Variants in ITGAM observed in about 807,000 individuals in gnomAD.
ITGAM encodes the protein integrin alpha-M.
ITGAM carries 79 observed loss-of-function variants against 137.5 expected under a neutral mutation model. That is an observed-to-expected ratio of 0.57 (90% CI 0.48 to 0.69). The LOEUF is 0.69. Ranked by LOEUF, ITGAM falls within the 30% of genes least tolerant of loss-of-function variation. The pLI is 0.00. For synonymous variants in ITGAM, 583 were observed against 592.3 expected (o/e 0.98, Z 0.23); for missense variants, 1,343 against 1,483.5 (o/e 0.91, Z 1.56).
At chr16:31,318,417 C>G (rs1040101593) in intron 14 of ITGAM, among the ~76,000 whole-genome samples, 1 of 148,280 alleles carries the variant, frequency 6.7e-6, no homozygotes, top group Non-Finnish European at 1.5e-5. Context: ...GATCACAGCT[C>G]ACTGCATTCT....
At chr16:31,296,395 G>A (rs1437996499) in intron 12 of ITGAM, among the ~76,000 whole-genome samples, 1 of 151,782 alleles carries the variant, frequency 6.6e-6, no homozygotes, top group Non-Finnish European at 1.5e-5. Context: ...TTACAGGCAT[G>A]AGCCACTGCA....
At chr16:31,272,450 TA>T (rs2079856810) in intron 7 of ITGAM, among the ~76,000 whole-genome samples, 2 of 13,804 alleles carry the variant, frequency 1.4e-4, no homozygotes, top group Non-Finnish European at 2.8e-4. Flanking sequence ...TATATATATA[TA>T]TATATATATA....
chr16:31,281,930 A>G (rs1438855876), intron 12 of ITGAM, among the ~76,000 whole-genome samples: 1 of 152,060 alleles, frequency 6.6e-6, no homozygotes, highest in Admixed American at 6.6e-5. Flanking sequence ...CTTTGTTCTC[A>G]TTGGTTTCAA....
rs376567006 is a variant in ITGAM, at chr16:31,284,626, C to T, written c.1356+6517C>T. Among the ~76,000 whole-genome samples the T allele has an allele frequency of 7.9e-5, 12 of 152,286 alleles. 1 individual carries two copies. Among genetic ancestry groups the T allele is most frequent in the Middle Eastern group, 6.8e-3 (2 of 294 alleles). ...CCAATTTTCCACTTACTCTCTGTCA[C>T]GGCTTCCCTTGGCTAGGAAAGGGAA... On this transcript the variant is annotated intron_variant, in intron 12 of 29. Coordinates refer to ENST00000544665, the MANE Select transcript of ITGAM (RefSeq NM_000632.4).
chr16:31,286,341 T>C (rs1461879459), intron 12 of ITGAM, among the ~76,000 whole-genome samples: 1 of 152,202 alleles, frequency 6.6e-6, no homozygotes, highest in Non-Finnish European at 1.5e-5. Flanking sequence ...GAACAGCTTA[T>C]TTTCTTTTGG....
At chr16:31,268,717 C>A (rs1447645166) in intron 5 of ITGAM, among the ~76,000 whole-genome samples, 1 of 152,184 alleles carries the variant, frequency 6.6e-6, no homozygotes, top group Non-Finnish European at 1.5e-5. Context: ...AAGGCCCTTG[C>A]CCGCTGCTCT....
chr16:31,272,033 A>G, intron 7 of ITGAM, 41 bp downstream of exon 7: 1 of 1,612,698 alleles, frequency 6.2e-7, no homozygotes, highest in South Asian at 1.1e-5. Context: ...GGAGGAGGAG[A>G]CACTTTTAGC....
In ITGAM at chr16:31,309,784, C is replaced by G. The variant is rs142223225; in HGVS notation, c.1708-11457C>G. On this transcript the variant is annotated intron_variant, in intron 14 of 29. Transcript: ENST00000544665. ...ACAGTTTGGCATGTTTTTGCAGTGG[C>G]TGGTACCGGCTGTTCCTTTCCATGT... 5.9e-3 allele frequency among the ~76,000 whole-genome samples: 904 copies of G among 152,274 alleles called. 10 individuals carry two copies. Among genetic ancestry groups the G allele is most frequent in the African/African-American group, 0.021 (865 of 41,564 alleles).
intron 14 of ITGAM, among the ~76,000 whole-genome samples, chr16:31,302,499 T>C (rs554408471): frequency 5.7e-4 from 83 of 146,756 alleles, no homozygotes; most frequent in African/African-American, 2.2e-3. Context: ...TCTTTCCTTC[T>C]TTCTTTCTTT....
At position 31,326,891 on chromosome 16, in the gene ITGAM, G is replaced by A. The variant is rs1272621521; in HGVS notation, c.2664G>A (p.Lys888=). The part of the protein sequence containing the change: ...TFNITFDVDS[K]ASLGNKLLLK... Reference sequence around the variant, plus strand: ...ATATCACGTTTGATGTAGACTCTAAGGCTTCCCTTGGAAACAAACTGCTCC... The same window carrying A: ...ATATCACGTTTGATGTAGACTCTAAAGCTTCCCTTGGAAACAAACTGCTCC... Residue 888 remains lysine (K), a synonymous_variant, in exon 22 of 30, where the codon AAG becomes AAA. Coordinates refer to ENST00000544665, the MANE Select transcript of ITGAM (RefSeq NM_000632.4). 1.2e-6 allele frequency: 2 copies of A among 1,613,418 alleles called. No individual in the cohort carries two copies. The highest frequency in any genetic ancestry group is 2.2e-5 in the South Asian group (2 of 91,072).
chr16:31,302,374 CTTTCT>C (rs2080205679), intron 14 of ITGAM, among the ~76,000 whole-genome samples: 2 of 150,404 alleles, frequency 1.3e-5, no homozygotes, highest in Non-Finnish European at 1.5e-5. Context: ...ATCTTTTTTT[CTTTCT>C]TTTCTTTTCT....
At chr16:31,303,644 T>A (rs1165402341) in intron 14 of ITGAM, among the ~76,000 whole-genome samples, 1 of 152,146 alleles carries the variant, frequency 6.6e-6, no homozygotes, top group Non-Finnish European at 1.5e-5. Context: ...GTCCGTTACA[T>A]CACTCTTGTC....
rs766261460 is a variant in ITGAM, at chr16:31,277,961, C to T, written c.1214-6C>T. 5 of 1,585,724 alleles carry T rather than the reference C, an allele frequency of 3.2e-6. No homozygotes were observed. The highest frequency in any genetic ancestry group is 4.3e-6 in the Non-Finnish European group (5 of 1,165,708). On this transcript the variant is annotated splice_region_variant and splice_polypyrimidine_tract_variant and intron_variant, in intron 11 of 29. Coordinates refer to ENST00000544665, the MANE Select transcript of ITGAM (RefSeq NM_000632.4). ...TGCACTTCACCTCTCAGACCCCCAC[C>T]TTCAGGTTATGCTGCCGCCATCATC...
At chr16:31,260,189 G>C in intron 1 of ITGAM, 97 bp downstream of exon 1, 1 of 871,754 alleles carries the variant, frequency 1.1e-6, no homozygotes, top group South Asian at 1.7e-5. Flanking sequence ...AGTCAGTCTG[G>C]GGAGAGGCAA....
Position 31,288,578 on chromosome 16 carries a change from G to A in ITGAM, c.1357-8936G>A, listed in dbSNP as rs541762103. 1.0e-3 allele frequency among the ~76,000 whole-genome samples: 155 copies of A among 151,958 alleles called. 4 individuals are homozygous for A. The highest frequency in any genetic ancestry group is 2.0e-4 in the Admixed American group (3 of 15,254). ...ATATGTAGAAAGCTGAAACTGGATC[G>A]CTTCCTTACACCTTATACAAAAATT... On this transcript the variant is annotated intron_variant, in intron 12 of 29. Coordinates refer to ENST00000544665, the MANE Select transcript of ITGAM (RefSeq NM_000632.4).
intron 14 of ITGAM, among the ~76,000 whole-genome samples, chr16:31,313,863 T>A (rs536891613): frequency 6.6e-6 from 1 of 152,332 alleles, no homozygotes; most frequent in East Asian, 1.9e-4. Context: ...AAAGCATTCT[T>A]ATTTCTCCAC....
At chr16:31,294,560 C>G (rs2080115313) in intron 12 of ITGAM, among the ~76,000 whole-genome samples, 1 of 152,106 alleles carries the variant, frequency 6.6e-6, no homozygotes, top group Admixed American at 6.6e-5. Context: ...GTTGAACCAA[C>G]TTTGCACCCC....
In ITGAM at chr16:31,325,017, C is replaced by G. The variant is rs1287974084; in HGVS notation, c.2349C>G (p.Thr783=). ...TCTGCCAGGATGACCTCAGCATCAC[C>G]TTCAGTTTCATGAGGTGAGTTTCCT... is the stretch of plus-strand genomic sequence containing the variant. ...DNICQDDLSI[T]FSFMSLDCLV... The change falls in exon 19 of 30, where the codon ACC becomes ACG. Residue 783 remains threonine (T), a synonymous_variant. Transcript: ENST00000544665. 1.2e-6 allele frequency: 2 copies of G among 1,612,652 alleles called. No homozygotes were observed. Among genetic ancestry groups the G allele is most frequent in the African/African-American group, 2.7e-5 (2 of 74,844 alleles).
At chr16:31,326,810 T>C in intron 21 of ITGAM, 46 bp from the exon 22 acceptor site, 1 of 1,351,256 alleles carries the variant, frequency 7.4e-7, no homozygotes, top group Non-Finnish European at 1.1e-6. Flanking sequence ...TTGGGTTATT[T>C]TTTCTCTCAT....
Sources: allele counts gnomAD v4.1 joint callset (sites outside exome capture counted in the v4.1 genomes callset), GRCh38; gene constraint gnomAD v4.1.1; transcripts MANE v1.5; gene names NCBI Gene and HGNC (gene_info 2026-07-23, HGNC 2026-07-21).